The following TTN variants were observed in gnomAD, a reference collection of about 807,000 sequenced individuals.
The protein encoded by TTN is titin, also known as connectin.
TTN carries 1,525 observed loss-of-function variants against 3,223.0 expected under a neutral mutation model. The observed-to-expected ratio is 0.47, with a 90% CI of 0.45 to 0.49. The LOEUF (loss-of-function observed/expected upper bound fraction) is 0.49, where lower values mean the gene tolerates loss of function less well. Among genes scored for constraint, TTN ranks in the 20% least tolerant of loss-of-function variants. The pLI is 0.00. For missense variants in TTN, 40,786 were observed against 43,424.0 expected (o/e 0.94, Z 5.40); for synonymous variants, 14,094 against 15,161.0 (o/e 0.93, Z 5.17).
At chr2:178,672,606 G>A (rs1043809878) in intron 153 of TTN, 29 bp downstream of exon 153, 18 of 1,610,574 alleles carry the variant, frequency 1.1e-5, no homozygotes, top group African/African-American at 2.7e-5. Flanking sequence ...AGACAGAAGA[G>A]GAAGTCAGGT....
chr2:178,557,233 T>C lies in TTN; in HGVS notation c.88009+20A>G, dbSNP rs1234323785. The C allele has an allele frequency of 1.2e-6, 2 of 1,613,604 alleles. No individual in the cohort carries two copies. The highest frequency in any genetic ancestry group is 1.7e-6 in the Non-Finnish European group (2 of 1,179,818). On this transcript the variant is annotated intron_variant, in intron 329 of 362. Coordinates refer to ENST00000589042, the MANE Select transcript of TTN (RefSeq NM_001267550.2). Reference sequence around the variant, plus strand: ...TGCATTTTTGTTATCAGAACTGCCCTTCCCATGACAAATACGTACCACAAG... The same window carrying C: ...TGCATTTTTGTTATCAGAACTGCCCCTCCCATGACAAATACGTACCACAAG...
At position 178,667,680 on chromosome 2, in the gene TTN, G is replaced by C; in HGVS notation, c.35587C>G (p.Leu11863Val). 1 of 1,597,232 alleles carries C rather than the reference G, an allele frequency of 6.3e-7. No individual in the cohort carries two copies. The highest frequency in any genetic ancestry group is 1.1e-5 in the South Asian group (1 of 90,948). Residue 11863 changes from leucine (L) to valine (V), a missense_variant, in exon 160 of 363, where the codon CTT becomes GTT. Coordinates refer to ENST00000589042, the MANE Select transcript of TTN (RefSeq NM_001267550.2). ...SEEAVLEEKV[L>V]VTQPQKTKPK... is the part of the protein sequence containing the mutation. Reference sequence around the variant, plus strand: ...TTTGTCTTTTGAGGTTGAGTCACAAGTACTTTTTCTTCTAGGACTGCTTCT... The same window carrying C: ...TTTGTCTTTTGAGGTTGAGTCACAACTACTTTTTCTTCTAGGACTGCTTCT...
chr2:178,726,163 C>A, intron 69 of TTN, 117 bp from the exon 70 acceptor site: 1 of 1,189,196 alleles, frequency 8.4e-7, no homozygotes, highest in Non-Finnish European at 1.1e-6. Context: ...TAAGTAGAGT[C>A]CAGCACTAAC....
In TTN at chr2:178,618,142, C is replaced by T. The variant is rs746612800; in HGVS notation, c.47269+47G>A. ...GGGGTAACGATGATGAAGGCAAAGACTGCAATTTACTTAAAAGCTAACTTG... is the reference window on the plus strand; with the variant it reads ...GGGGTAACGATGATGAAGGCAAAGATTGCAATTTACTTAAAAGCTAACTTG... On this transcript the variant is annotated intron_variant, in intron 252 of 362. Transcript: ENST00000589042. 10 of 1,609,936 alleles carry T rather than the reference C, an allele frequency of 6.2e-6. No homozygotes were observed. In the Middle Eastern group the frequency reaches 8.3e-4, roughly 133 times the overall value.
chr2:178,755,577 C>T (rs2086697750), intron 46 of TTN, among the ~76,000 whole-genome samples: 1 of 152,166 alleles, frequency 6.6e-6, no homozygotes. Context: ...GTTGGGATTA[C>T]AGGCATGCAC....
Position 178,725,473 on chromosome 2 carries a change from T to G in TTN, c.20731A>C (p.Thr6911Pro). The G allele has an allele frequency of 1.2e-6, 2 of 1,613,290 alleles. No homozygotes were observed. Among genetic ancestry groups the G allele is most frequent in the Non-Finnish European group, 1.7e-6 (2 of 1,179,504 alleles). ...GGCTCTGCTTTTGCAAACTGTAGAG[T>G]TGCAACATTTTCCACAAATGTAATC... ...IRITFVENVA[T>P]LQFAKAEPAN... is the part of the protein sequence containing the mutation. The change falls in exon 71 of 363, where the codon ACT (threonine) becomes CCT (proline). Residue 6911 changes from threonine (T) to proline (P), a missense_variant. By Grantham distance (38) the Thr-to-Pro change is conservative. Coordinates refer to ENST00000589042, the MANE Select transcript of TTN (RefSeq NM_001267550.2).
In TTN at chr2:178,738,284, G is replaced by A. The variant is rs397517479; in HGVS notation, c.14169C>T (p.Ile4723=). The part of the protein sequence containing the change: ...LGHLAKFTCE[I]QSAPNVRFQW... ...GGAACCGGACATTGGGAGCACTTTG[G>A]ATCTCACAGGTGAATTTGGCTAGGT... The change falls in exon 49 of 363, where the codon ATC becomes ATT. Residue 4723 remains isoleucine, a synonymous_variant. Coordinates refer to ENST00000589042, the MANE Select transcript of TTN (RefSeq NM_001267550.2). 1 of 1,613,566 alleles carries A rather than the reference G, an allele frequency of 6.2e-7. No individual in the cohort carries two copies. Among genetic ancestry groups the A allele is most frequent in the Middle Eastern group, 1.7e-4 (1 of 6,056 alleles).
In TTN at chr2:178,609,285, G is replaced by A; in HGVS notation, c.52025C>T (p.Pro17342Leu). The A allele has an allele frequency of 6.3e-7, 1 of 1,592,854 alleles. No individual in the cohort carries two copies. The highest frequency in any genetic ancestry group is 8.5e-7 in the Non-Finnish European group (1 of 1,169,910). Residue 17342 changes from proline to leucine, a missense_variant, in exon 273 of 363, where the codon CCT (proline) becomes CTT (leucine). Physicochemically the swap from Pro to Leu is moderately conservative, Grantham distance 98. Transcript: ENST00000589042. The part of the protein sequence containing the change: ...SQLRVRDSLR[P>L]DHGLYMIKVE... ...TTTGATCATATACAGACCATGGTCA[G>A]GTCGGAGAGAATCTCGGACGCGTAG...
rs748765738 is a variant in TTN at position 178,563,238 on chromosome 2, T to A, written c.82894A>T (p.Thr27632Ser). The A allele has an allele frequency of 2.5e-6, 4 of 1,613,740 alleles. No homozygotes were observed. Among genetic ancestry groups the A allele is most frequent in the Non-Finnish European group, 3.4e-6 (4 of 1,179,716 alleles). The change falls in exon 326 of 363, where the codon ACA becomes TCA. Residue 27632 changes from threonine to serine, a missense_variant. Transcript: ENST00000589042. This position sits in a 1 kb window ranked among gnomAD's most constrained non-coding sequence, Gnocchi z 4.5. ...PPTGLQGKQFTVTKLKENTEY... is the reference protein window; with the variant it reads ...PPTGLQGKQFSVTKLKENTEY... ...GTGTTTTCTTTAAGCTTGGTCACTG[T>A]GAACTGCTTTCCTTGTAATCCTGTT...
intron 136 of TTN, 39 bp from the exon 137 acceptor site, chr2:178,681,489 AC>A (rs2069381439): frequency 6.4e-7 from 1 of 1,564,338 alleles, no homozygotes; most frequent in Non-Finnish European, 8.7e-7. Context: ...AAAAATTGAA[AC>A]AGGTTTCTCA....
chr2:178,627,221 TA>T (rs1377098194), intron 240 of TTN, among the ~76,000 whole-genome samples: 1 of 151,982 alleles, frequency 6.6e-6, no homozygotes, highest in African/African-American at 2.4e-5. Context: ...AGTCCTTTCT[TA>T]AACTGACAGC....
At position 178,559,412 on chromosome 2, in the gene TTN, G is replaced by A; in HGVS notation, c.86720C>T (p.Thr28907Ile). 5.0e-6 allele frequency: 8 copies of A among 1,613,636 alleles called. No individual in the cohort carries two copies. The highest frequency in any genetic ancestry group is 6.8e-6 in the Non-Finnish European group (8 of 1,179,692). The change falls in exon 326 of 363, where the codon ACC becomes ATC. Residue 28907 changes from threonine (T) to isoleucine (I), a missense_variant. By Grantham distance (89) the Thr-to-Ile change is moderately conservative (BLOSUM62 -1). Coordinates refer to ENST00000589042, the MANE Select transcript of TTN (RefSeq NM_001267550.2). ...ATAGATAGCTCCTTCTTGTAAATTGGTAACTTTGTAGGAGAGGCGGTTACA... is the reference window on the plus strand; with the variant it reads ...ATAGATAGCTCCTTCTTGTAAATTGATAACTTTGTAGGAGAGGCGGTTACA... ...NNCNRLSYKVTNLQEGAIYYF... is the reference protein window; with the variant it reads ...NNCNRLSYKVINLQEGAIYYF...
rs1226902114 is a variant in TTN at position 178,706,683 on chromosome 2, A to T, written c.29191T>A (p.Trp9731Arg). 3 of 1,613,534 alleles carry T rather than the reference A, an allele frequency of 1.9e-6. No homozygotes were observed. The East Asian group carries it at 6.7e-5, about 36-fold the overall frequency. The change falls in exon 102 of 363, where the codon TGG becomes AGG. Residue 9731 changes from tryptophan to arginine, a missense_variant. Trp to Arg is a moderately radical substitution (Grantham distance 101). Transcript: ENST00000589042. ...VGGDPIPNVKWTKGKWRQLNQ... is the reference protein window; with the variant it reads ...VGGDPIPNVKRTKGKWRQLNQ... ...AGCTGTCTCCACTTCCCTTTTGTCC[A>T]TTTAACATTTGGGATTGGGTCACCT...
At chr2:178,720,755 G>C in intron 79 of TTN, 92 bp from the exon 80 acceptor site, 1 of 1,400,846 alleles carries the variant, frequency 7.1e-7, no homozygotes, top group Non-Finnish European at 9.4e-7. Context: ...TGACTGGTGT[G>C]ATCATATGAC....
intron 308 of TTN, among the ~76,000 whole-genome samples, chr2:178,585,727 T>C (rs2048802246): frequency 1.3e-5 from 2 of 152,214 alleles, no homozygotes; most frequent in South Asian, 4.2e-4. Flanking sequence ...CTGAGAATGA[T>C]GGTTTCCAGC....
At chr2:178,622,543 A>C (rs947976609) in intron 243 of TTN, 127 bp downstream of exon 243, 5 of 692,938 alleles carry the variant, frequency 7.2e-6, no homozygotes, top group Middle Eastern at 2.5e-4. Context: ...TTATACTACA[A>C]TTATCTTTAA....
In TTN at chr2:178,538,542, G is replaced by T. The variant is rs756189089; in HGVS notation, c.99287C>A (p.Thr33096Lys). 1 of 1,605,856 alleles carries T rather than the reference G, an allele frequency of 6.2e-7. No homozygotes were observed. Among genetic ancestry groups the T allele is most frequent in the South Asian group, 1.1e-5 (1 of 90,082 alleles). ...RTAMSIKTKL[T>K]SGEAPGIRKE... ...GTAGAGAACCAAAGGCTACTTACAT[G>T]TGAGTTTAGTCTTTATAGACATAGC... Residue 33096 changes from threonine (T) to lysine (K), a missense_variant and splice_region_variant, in exon 354 of 363, where the codon ACA (threonine) becomes AAA (lysine). By Grantham distance (78) the Thr-to-Lys change is moderately conservative (BLOSUM62 -1). Transcript: ENST00000589042.
In TTN at chr2:178,593,032, G is replaced by A; in HGVS notation, c.59087C>T (p.Ser19696Leu). Residue 19696 changes from serine (S) to leucine (L), a missense_variant, in exon 300 of 363, where the codon TCA (serine) becomes TTA (leucine). Ser to Leu is a moderately radical substitution (Grantham distance 145). Coordinates refer to ENST00000589042, the MANE Select transcript of TTN (RefSeq NM_001267550.2). ...TGGTGGCTGCCAAGTTAGATCGACT[G>A]AATTGCATGTTGTATCTATTGCTTC... The part of the protein sequence containing the change: ...NPEAIDTTCN[S>L]VDLTWQPPRH... 1 of 1,613,462 alleles carries A rather than the reference G, an allele frequency of 6.2e-7. No individual in the cohort carries two copies. Among genetic ancestry groups the A allele is most frequent in the Non-Finnish European group, 8.5e-7 (1 of 1,179,620 alleles).
chr2:178,770,793 A>C, intron 34 of TTN, 118 bp from the exon 35 acceptor site: 1 of 1,281,312 alleles, frequency 7.8e-7, no homozygotes, highest in Non-Finnish European at 1.1e-6. Context: ...AACATTTTAC[A>C]GTTATGCAGC....
Sources: allele counts gnomAD v4.1 joint callset (sites outside exome capture counted in the v4.1 genomes callset), GRCh38; gene constraint gnomAD v4.1.1; non-coding constraint Gnocchi (gnomAD v3.1); transcripts MANE v1.5; gene names NCBI Gene and HGNC (gene_info 2026-07-23, HGNC 2026-07-21).